NTRK2: variants seen among roughly 807,000 people sequenced by gnomAD.
The protein encoded by NTRK2 is BDNF/NT-3 growth factors receptor.
Under a neutral mutation model 94.5 loss-of-function variants are expected in NTRK2, and 13 were observed. The observed-to-expected ratio is 0.14, with a 90% CI of 0.09 to 0.22. NTRK2 has a LOEUF of 0.22. Among genes scored for constraint, NTRK2 ranks in the 10% least tolerant of loss-of-function variants. The pLI, the probability that NTRK2 is intolerant of heterozygous loss-of-function variation, is 1.00. For synonymous variants in NTRK2, 372 were observed against 407.4 expected (o/e 0.91, Z 1.05); for missense variants, 639 against 1,071.2 (o/e 0.60, Z 5.63).
At chr9:84,850,853 G>T (rs374271173) in intron 12 of NTRK2, among the ~76,000 whole-genome samples, 1 of 152,172 alleles carries the variant, frequency 6.6e-6, no homozygotes, top group East Asian at 1.9e-4. Context: ...AGAGAAAGGG[G>T]CTGGCAGCCA....
At chr9:84,772,555 A>AT (rs2066661688) in intron 12 of NTRK2, among the ~76,000 whole-genome samples, 1 of 152,310 alleles carries the variant, frequency 6.6e-6, no homozygotes, top group East Asian at 1.9e-4. Context: ...TGCCAGCCAC[A>AT]GGGAATCTAC....
At chr9:84,911,466 C>T (rs1165892623) in intron 14 of NTRK2, among the ~76,000 whole-genome samples, 1 of 152,078 alleles carries the variant, frequency 6.6e-6, no homozygotes, top group Non-Finnish European at 1.5e-5. Context: ...AGTTATAGAG[C>T]TATTCAAATT....
chr9:84,874,086 G>C lies in NTRK2; in HGVS notation c.1633+6655G>C, dbSNP rs192958050. 1.0e-5 allele frequency: 11 copies of C among 1,064,516 alleles called. No homozygotes were observed. The Admixed American group carries it at 4.3e-4, about 41-fold the overall frequency. 65.9% of individuals were successfully genotyped at this position (1,064,516 alleles called of 1,614,324 possible). A position where few individuals can be genotyped will look rare whatever the true frequency, so the allele number is the denominator to read the frequency against. On this transcript the variant is annotated intron_variant, in intron 14 of 18. Coordinates refer to ENST00000277120, the MANE Select transcript of NTRK2 (RefSeq NM_006180.6). ...TGTTCTGGGTATTTCCCAAGGCCCA[G>C]CCTGACTGGAGTGTGTGTACCAACA...
intron 17 of NTRK2, among the ~76,000 whole-genome samples, chr9:84,984,694 T>C (rs1828078644): frequency 6.6e-6 from 1 of 152,192 alleles, no homozygotes; most frequent in African/African-American, 2.4e-5. Flanking sequence ...AGTTCTCAGA[T>C]TTTAAAAAAT....
chr9:84,808,304 G>T (rs1211514129), intron 12 of NTRK2, among the ~76,000 whole-genome samples: 1 of 152,196 alleles, frequency 6.6e-6, no homozygotes, highest in African/African-American at 2.4e-5. Flanking sequence ...GCCTGGTTAA[G>T]TTCCTGCTGT....
intron 17 of NTRK2, among the ~76,000 whole-genome samples, chr9:85,013,908 A>T (rs892397613): frequency 7.9e-5 from 12 of 152,302 alleles, no homozygotes; most frequent in Admixed American, 5.9e-4. Context: ...CCTCCCAGGC[A>T]TCATTGGTCT....
At chr9:84,935,591 C>T (rs2078187263) in intron 15 of NTRK2, among the ~76,000 whole-genome samples, 1 of 151,988 alleles carries the variant, frequency 6.6e-6, no homozygotes, top group Non-Finnish European at 1.5e-5. Flanking sequence ...AAATAAACAT[C>T]ATCTCCCCAA....
At chr9:85,018,558 G>T (rs1832493339) in intron 17 of NTRK2, among the ~76,000 whole-genome samples, 1 of 152,194 alleles carries the variant, frequency 6.6e-6, no homozygotes, top group South Asian at 2.1e-4. Context: ...GAAACAACAG[G>T]TCCTCTGTGT....
intron 2 of NTRK2, among the ~76,000 whole-genome samples, chr9:84,673,839 T>C (rs1341166102): frequency 6.6e-6 from 1 of 152,234 alleles, no homozygotes; most frequent in African/African-American, 2.4e-5. Context: ...TCAATATCTA[T>C]CTATAGGTAT....
chr9:84,793,759 CG>C lies in NTRK2; in HGVS notation c.1396+41675del, dbSNP rs570869771. On this transcript the variant is annotated intron_variant, in intron 12 of 18. Coordinates refer to ENST00000277120, the MANE Select transcript of NTRK2 (RefSeq NM_006180.6). ...AAGAACAAATAATTCTGTTGTTGCT[CG>C]CAGAAATGACTATAAGACAGGGGTC... Among the ~76,000 whole-genome samples, 37 of 152,180 alleles carry C rather than the reference CG, an allele frequency of 2.4e-4. 1 individual carries two copies. In the South Asian group the frequency reaches 6.6e-3, roughly 27 times the overall value.
At chr9:84,679,177 AT>A (rs760884850) in intron 2 of NTRK2, among the ~76,000 whole-genome samples, 1 of 152,176 alleles carries the variant, frequency 6.6e-6, no homozygotes, top group Non-Finnish European at 1.5e-5. Flanking sequence ...GTTGTTATAA[AT>A]TACCCAGTCT....
chr9:85,000,144 A>G (rs1482667794), intron 17 of NTRK2, among the ~76,000 whole-genome samples: 1 of 152,150 alleles, frequency 6.6e-6, no homozygotes, highest in Non-Finnish European at 1.5e-5. Context: ...AGTGGAGTTC[A>G]CATATACCCC....
At chr9:84,823,652 C>T (rs1372703040) in intron 12 of NTRK2, among the ~76,000 whole-genome samples, 5 of 152,240 alleles carry the variant, frequency 3.3e-5, no homozygotes, top group Admixed American at 2.0e-4. Flanking sequence ...CCCATGTTGG[C>T]GTGCAGGAAT....
chr9:84,996,671 G>T (rs1309049534), intron 17 of NTRK2, among the ~76,000 whole-genome samples: 1 of 152,184 alleles, frequency 6.6e-6, no homozygotes, highest in African/African-American at 2.4e-5. Flanking sequence ...TCTATTCTAG[G>T]TCTGCAACCA....
chr9:84,930,722 T>A (rs1215592141), intron 14 of NTRK2, among the ~76,000 whole-genome samples: 1 of 152,112 alleles, frequency 6.6e-6, no homozygotes, highest in Non-Finnish European at 1.5e-5. Context: ...GCATAAGCGA[T>A]CCACATTGGG....
intron 17 of NTRK2, among the ~76,000 whole-genome samples, chr9:85,015,149 A>G (rs542491519): frequency 6.6e-6 from 1 of 152,300 alleles, no homozygotes; most frequent in African/African-American, 2.4e-5. Context: ...TGATACTAGT[A>G]ACTATCTTTA....
rs1426996731 is a variant in NTRK2, at chr9:84,855,635, GGTAA to G, written c.1397-5398_1397-5395del. On this transcript the variant is annotated intron_variant, in intron 12 of 18. Coordinates refer to ENST00000277120, the MANE Select transcript of NTRK2 (RefSeq NM_006180.6). The stretch of plus-strand genomic sequence containing the variant: ...TTAGTAGGGATAGGCTCTCTATAAT[GGTAA>G]GTAAGTGCCAAAGTGGATCACAGTT... 3.4e-5 allele frequency among the ~76,000 whole-genome samples: 5 copies of G among 148,470 alleles called. No homozygotes were observed. In the East Asian group the frequency reaches 5.9e-4, roughly 18 times the overall value.
intron 6 of NTRK2, among the ~76,000 whole-genome samples, chr9:84,711,195 G>A (rs1454452989): frequency 6.6e-6 from 1 of 152,190 alleles, no homozygotes; most frequent in Admixed American, 6.5e-5. Flanking sequence ...TGATGAAAGT[G>A]TCCTGGCAGC....
At chr9:84,995,916 A>T (rs1168220234) in intron 17 of NTRK2, among the ~76,000 whole-genome samples, 3 of 152,204 alleles carry the variant, frequency 2.0e-5, no homozygotes, top group Non-Finnish European at 4.4e-5. Flanking sequence ...ATTCTTGAGA[A>T]CCTCAGCTAA....
Sources: allele counts gnomAD v4.1 joint callset (sites outside exome capture counted in the v4.1 genomes callset), GRCh38; gene constraint gnomAD v4.1.1; transcripts MANE v1.5; gene names NCBI Gene and HGNC (gene_info 2026-07-23, HGNC 2026-07-21).